The following PRKN variants were observed in gnomAD, a reference collection of about 807,000 sequenced individuals.
PRKN encodes the protein parkin RBR E3 ubiquitin protein ligase, also known as E3 ubiquitin-protein ligase parkin.
A neutral mutation model predicts 59.5 loss-of-function variants in PRKN; 56 were observed. The observed-to-expected ratio is 0.94, with a 90% CI of 0.76 to 1.18. The LOEUF (loss-of-function observed/expected upper bound fraction) is 1.18, where lower values mean the gene tolerates loss of function less well. Ranked by LOEUF, PRKN falls within the 50% of genes most tolerant of loss-of-function variation. The pLI, the probability that PRKN is intolerant of heterozygous loss-of-function variation, is 0.00. For missense variants in PRKN, 657 were observed against 596.4 expected, an observed-to-expected ratio of 1.10 and a Z score of -1.06; for synonymous variants, 250 against 222.1, an observed-to-expected ratio of 1.13 and a Z score of -1.12.
intron 6 of PRKN, among the ~76,000 whole-genome samples, chr6:161,843,816 C>A (rs376501358): frequency 6.6e-6 from 1 of 152,252 alleles, no homozygotes; most frequent in South Asian, 2.1e-4. Flanking sequence ...TTCATTCATG[C>A]ATTCATTCAT....
chr6:162,103,118 TA>T (rs1056265392), intron 4 of PRKN, among the ~76,000 whole-genome samples: 3 of 151,382 alleles, frequency 2.0e-5, no homozygotes, highest in Admixed American at 6.6e-5. Context: ...AAAATGGTTT[TA>T]AAAAAAACAG....
At chr6:162,627,321 C>T (rs1782935474) in intron 1 of PRKN, among the ~76,000 whole-genome samples, 1 of 152,090 alleles carries the variant, frequency 6.6e-6, no homozygotes, top group Admixed American at 6.6e-5. Flanking sequence ...ATTCAATGAC[C>T]TGGAAGATGT....
rs1033543018 is a variant in PRKN, at chr6:161,511,163, G to A, written c.1083+37691C>T. ...GGAAGAAAAATAAATGTTCTTTGTG[G>A]AGATTTTTAAAAATAGACAAAACAA... On this transcript the variant is annotated intron_variant, in intron 9 of 11. Transcript: ENST00000366898. Among the ~76,000 whole-genome samples, 5 of 152,164 alleles carry A rather than the reference G, an allele frequency of 3.3e-5. 1 individual carries two copies. Among genetic ancestry groups the A allele is most frequent in the Admixed American group, 6.5e-5 (1 of 15,272 alleles).
intron 1 of PRKN, among the ~76,000 whole-genome samples, chr6:162,549,150 C>A (rs1583778505): frequency 6.6e-6 from 1 of 152,166 alleles, no homozygotes; most frequent in East Asian, 1.9e-4. Flanking sequence ...GCTAGCTCTG[C>A]CTCCTTCCTC....
chr6:162,540,355 A>G (rs1025267229), intron 1 of PRKN, among the ~76,000 whole-genome samples: 19 of 151,816 alleles, frequency 1.3e-4, no homozygotes, highest in African/African-American at 4.6e-4. Flanking sequence ...TCAGCCTCCT[A>G]AGCCACCATG....
rs1780665719 is a variant in PRKN at position 161,566,975 on chromosome 6, C to T, written c.933+2380G>A. 6.6e-6 allele frequency among the ~76,000 whole-genome samples: 1 copy of T among 151,738 alleles called. No individual in the cohort carries two copies. The highest frequency in any genetic ancestry group is 1.5e-5 in the Non-Finnish European group (1 of 67,998). On this transcript the variant is annotated intron_variant, in intron 8 of 11. Coordinates refer to ENST00000366898, the MANE Select transcript of PRKN (RefSeq NM_004562.3). This position sits in a 1 kb window ranked among gnomAD's most constrained non-coding sequence, Gnocchi z 4.1. Reference sequence around the variant, plus strand: ...ACCTGCTCAGTGAAACTTTCCCTGACCACCTTATATAAAATTTCACCTCTT... The same window carrying T: ...ACCTGCTCAGTGAAACTTTCCCTGATCACCTTATATAAAATTTCACCTCTT...
intron 2 of PRKN, among the ~76,000 whole-genome samples, chr6:162,402,467 A>C (rs1787843650): frequency 6.6e-6 from 1 of 151,878 alleles, no homozygotes; most frequent in African/African-American, 2.4e-5. Context: ...CAAATGCAGA[A>C]GTCTCACTCT....
chr6:162,700,333 G>A (rs1584074762), intron 1 of PRKN, among the ~76,000 whole-genome samples: 1 of 152,300 alleles, frequency 6.6e-6, no homozygotes, highest in East Asian at 1.9e-4. Context: ...AAAATGATCT[G>A]AGAAGAAAAG....
At chr6:161,569,730 G>A (rs1375792068) in intron 7 of PRKN, among the ~76,000 whole-genome samples, 1 of 152,168 alleles carries the variant, frequency 6.6e-6, no homozygotes, top group Non-Finnish European at 1.5e-5. Flanking sequence ...TGTTCAGCAT[G>A]TCACTGGTTC....
At chr6:161,406,954 T>C (rs908965017) in intron 9 of PRKN, among the ~76,000 whole-genome samples, 1 of 152,142 alleles carries the variant, frequency 6.6e-6, no homozygotes, top group Non-Finnish European at 1.5e-5. Context: ...CAGAGCTTCT[T>C]GCTGACTTGG....
chr6:162,125,660 C>T (rs1404618864), intron 4 of PRKN, among the ~76,000 whole-genome samples: 1 of 152,208 alleles, frequency 6.6e-6, no homozygotes, highest in Non-Finnish European at 1.5e-5. Context: ...CTGTGCAACA[C>T]ATCTTCTATT....
At chr6:161,863,276 T>C (rs1289368292) in intron 6 of PRKN, among the ~76,000 whole-genome samples, 1 of 151,928 alleles carries the variant, frequency 6.6e-6, no homozygotes, top group Non-Finnish European at 1.5e-5. Flanking sequence ...TTTCTGTTTG[T>C]CATTCCCTTG....
At chr6:162,217,117 TAATC>T (rs1777711436) in intron 3 of PRKN, among the ~76,000 whole-genome samples, 1 of 152,168 alleles carries the variant, frequency 6.6e-6, no homozygotes, top group East Asian at 1.9e-4. Context: ...AATCTCTCCT[TAATC>T]AAGGAAAATG....
chr6:161,859,929 A>G (rs541795080), intron 6 of PRKN, among the ~76,000 whole-genome samples: 40 of 152,336 alleles, frequency 2.6e-4, no homozygotes, highest in African/African-American at 9.6e-4. Context: ...AACAATGGTT[A>G]ATCTTAAAAT....
At chr6:162,618,334 A>C (rs1165116952) in intron 1 of PRKN, among the ~76,000 whole-genome samples, 1 of 152,156 alleles carries the variant, frequency 6.6e-6, no homozygotes, top group Non-Finnish European at 1.5e-5. Flanking sequence ...CTTAGAAATA[A>C]ACAACTATTT....
At chr6:162,219,833 T>C (rs1192125179) in intron 3 of PRKN, among the ~76,000 whole-genome samples, 1 of 152,060 alleles carries the variant, frequency 6.6e-6, no homozygotes, top group Non-Finnish European at 1.5e-5. Flanking sequence ...GAATAGTAAA[T>C]AAAATAAAAT....
chr6:162,582,005 A>G (rs1780811440), intron 1 of PRKN, among the ~76,000 whole-genome samples: 1 of 152,206 alleles, frequency 6.6e-6, no homozygotes, highest in Admixed American at 6.5e-5. Flanking sequence ...AAAAATTTAA[A>G]CAGACTTAGA....
At chr6:162,471,612 T>C (rs1309512950) in intron 1 of PRKN, among the ~76,000 whole-genome samples, 1 of 152,222 alleles carries the variant, frequency 6.6e-6, no homozygotes, top group Non-Finnish European at 1.5e-5. Context: ...CTATTAGATA[T>C]GTTTTCTGAG....
chr6:161,632,566 G>C (rs1043303182), intron 7 of PRKN, among the ~76,000 whole-genome samples: 2 of 152,154 alleles, frequency 1.3e-5, no homozygotes, highest in Non-Finnish European at 2.9e-5. Flanking sequence ...CCAGTTGTCT[G>C]AAAAATGTAT....
Sources: allele counts gnomAD v4.1 joint callset (sites outside exome capture counted in the v4.1 genomes callset), GRCh38; gene constraint gnomAD v4.1.1; non-coding constraint Gnocchi (gnomAD v3.1); transcripts MANE v1.5; gene names NCBI Gene and HGNC (gene_info 2026-07-23, HGNC 2026-07-21).